The following SNX18 variants were observed in gnomAD, a reference collection of about 807,000 sequenced individuals.
SNX18 encodes the protein sorting nexin 18.
In SNX18, 35 loss-of-function variants were observed where a neutral mutation model predicts 48.7. The observed-to-expected ratio is 0.72, with a 90% CI of 0.55 to 0.95. The LOEUF (loss-of-function observed/expected upper bound fraction) is 0.95, where lower values mean the gene tolerates loss of function less well. Among genes scored for constraint, SNX18 ranks in the 40% least tolerant of loss-of-function variants. SNX18 has a pLI of 0.00. For synonymous variants in SNX18, 492 were observed against 384.7 expected, an observed-to-expected ratio of 1.28 and a Z score of -3.26; for missense variants, 824 against 871.0, an observed-to-expected ratio of 0.95 and a Z score of 0.68.
the SNX18 span, among the ~76,000 whole-genome samples, chr5:54,605,955 C>T: frequency 6.6e-6 from 1 of 152,288 alleles, no homozygotes. Flanking sequence ...TGAGCTACCA[C>T]GCCCATCCTA....
At chr5:54,519,718 C>T in intron 1 of SNX18, 145 bp downstream of exon 1, 2 of 1,614,186 alleles carry the variant, frequency 1.2e-6, no homozygotes, top group Non-Finnish European at 1.7e-6. Flanking sequence ...TGGGTCTTTT[C>T]CCTAGAGTGT....
At chr5:54,588,306 C>CTTTTTTTTTTTTTTTTTTTTTTTTTTTT in the SNX18 span, among the ~76,000 whole-genome samples, 1 of 73,910 alleles carries the variant, frequency 1.4e-5, no homozygotes, top group African/African-American at 5.4e-5. Context: ...TATTTCTATT[C>CTTTTTTTTTTTTTTTTTTTTTTTTTTTT]TTTTTTTTTT....
At chr5:54,612,412 C>T in the SNX18 span, among the ~76,000 whole-genome samples, 7 of 152,020 alleles carry the variant, frequency 4.6e-5, no homozygotes, top group Non-Finnish European at 1.0e-4. Context: ...GTGCGTGCCA[C>T]CACACCCGGC....
chr5:54,642,184 G>A, the SNX18 span, among the ~76,000 whole-genome samples: 8 of 152,128 alleles, frequency 5.3e-5, no homozygotes, highest in Admixed American at 6.5e-5. Context: ...TTTGTCCTTG[G>A]TCGGGTCACA....
intron 1 of SNX18, among the ~76,000 whole-genome samples, chr5:54,523,856 T>C (rs2548608): frequency 0.3 from 45,027 of 152,088 alleles, 6,881 homozygotes; most frequent in East Asian, 0.43. Context: ...AAGGTAAGGC[T>C]GGGCCACACG....
chr5:54,541,027 T>C (rs531357005), intron 1 of SNX18, among the ~76,000 whole-genome samples: 9 of 152,244 alleles, frequency 5.9e-5, no homozygotes, highest in South Asian at 4.1e-4. Context: ...TTTCTTTTTT[T>C]TCTCTCTCTC....
At chr5:54,537,915 G>A (rs1580106565) in intron 1 of SNX18, among the ~76,000 whole-genome samples, 1 of 152,268 alleles carries the variant, frequency 6.6e-6, no homozygotes, top group African/African-American at 2.4e-5. Context: ...CTCTGCAGCT[G>A]GTTGTATTGT....
At chr5:54,527,544 G>A (rs1444548697) in intron 1 of SNX18, among the ~76,000 whole-genome samples, 2 of 152,178 alleles carry the variant, frequency 1.3e-5, no homozygotes, top group Non-Finnish European at 2.9e-5. Context: ...CAGCAATCAG[G>A]AATTGAGTTT....
chr5:54,571,214 A>T, the SNX18 span, among the ~76,000 whole-genome samples: 1 of 152,018 alleles, frequency 6.6e-6, no homozygotes, highest in East Asian at 1.9e-4. Flanking sequence ...ACATGGGCAC[A>T]TGGGGAAAGG....
In SNX18 at chr5:54,526,502, CTG is replaced by C. The variant is rs137887954; in HGVS notation, c.1621+6932_1621+6933del. ...ACCTTTTCTTATGACTTATCTGTCA[CTG>C]TGATTTGACTTTCCTCTTCTGCTAA... On this transcript the variant is annotated intron_variant, in intron 1 of 1. Coordinates refer to ENST00000381410, the MANE Select transcript of SNX18 (RefSeq NM_001102575.2). 4.3e-3 allele frequency among the ~76,000 whole-genome samples: 652 copies of C among 152,276 alleles called. 6 individuals are homozygous for C. Among genetic ancestry groups the C allele is most frequent in the African/African-American group, 0.015 (621 of 41,548 alleles).
At chr5:54,553,881 TG>T in the SNX18 span, among the ~76,000 whole-genome samples, 10 of 152,364 alleles carry the variant, frequency 6.6e-5, no homozygotes, top group African/African-American at 2.4e-4. Context: ...CCATGCACTC[TG>T]GGGACCTTAT....
the SNX18 span, among the ~76,000 whole-genome samples, chr5:54,608,058 T>C: frequency 2.6e-5 from 4 of 152,236 alleles, no homozygotes; most frequent in African/African-American, 9.6e-5. Flanking sequence ...CTAGGTCATA[T>C]GGTACTTACA....
intron 1 of SNX18, among the ~76,000 whole-genome samples, chr5:54,525,561 T>C (rs565047625): frequency 1.3e-5 from 2 of 152,270 alleles, no homozygotes; most frequent in South Asian, 2.1e-4. Flanking sequence ...CCGGAAGTAA[T>C]GGCAACTGGG....
chr5:54,585,936 C>T, the SNX18 span, among the ~76,000 whole-genome samples: 32 of 149,854 alleles, frequency 2.1e-4, no homozygotes, highest in South Asian at 2.1e-3. Flanking sequence ...ACCTGGGAGG[C>T]GGAGCTTGCA....
rs1171547544 is a variant in SNX18, at chr5:54,518,484, G to T, written c.532G>T (p.Asp178Tyr). The change falls in exon 1 of 2, where the codon GAC (aspartate) becomes TAC (tyrosine). Residue 178 changes from aspartate to tyrosine, a missense_variant. Physicochemically the swap from Asp to Tyr is radical, Grantham distance 160 (BLOSUM62 -3). Around this residue, in one of 3 missense-constraint regions of SNX18, gnomAD observed 377 missense variants for 350.6 expected, o/e 1.08. Transcript: ENST00000381410. Reference sequence around the variant, plus strand: ...CGCTCTGGGCAGCGGAGCATACCCGGACCTCGACGGCTCGTCTTCGGCGGG... The same window carrying T: ...CGCTCTGGGCAGCGGAGCATACCCGTACCTCGACGGCTCGTCTTCGGCGGG... ...PGALGSGAYP[D>Y]LDGSSSAGVG... is the part of the protein sequence containing the mutation. 2 of 1,570,450 alleles carry T rather than the reference G, an allele frequency of 1.3e-6. No individual in the cohort carries two copies. Among genetic ancestry groups the T allele is most frequent in the Non-Finnish European group, 1.7e-6 (2 of 1,158,278 alleles).
the SNX18 span, among the ~76,000 whole-genome samples, chr5:54,584,046 CTT>C: frequency 0.023 from 2,533 of 110,574 alleles, 56 homozygotes; most frequent in African/African-American, 0.078. Context: ...GTGTGTAGCT[CTT>C]TTTTTTTTTT....
chr5:54,533,598 G>A (rs1357465419), intron 1 of SNX18, among the ~76,000 whole-genome samples: 1 of 152,224 alleles, frequency 6.6e-6, no homozygotes, highest in African/African-American at 2.4e-5. Context: ...GCTGGACACT[G>A]AGTAAAATTA....
At chr5:54,529,605 A>G (rs906071522) in intron 1 of SNX18, among the ~76,000 whole-genome samples, 11 of 152,002 alleles carry the variant, frequency 7.2e-5, no homozygotes, top group Admixed American at 3.3e-4. Context: ...GATAGGCAGT[A>G]TTCCAAGCAT....
chr5:54,581,277 G>A, the SNX18 span, among the ~76,000 whole-genome samples: 1 of 152,190 alleles, frequency 6.6e-6, no homozygotes, highest in Non-Finnish European at 1.5e-5. Flanking sequence ...GAAGATTCAT[G>A]TGGTTCCACT....
Sources: allele counts gnomAD v4.1 joint callset (sites outside exome capture counted in the v4.1 genomes callset), GRCh38; gene constraint gnomAD v4.1.1; regional missense constraint gnomAD v4.1.1; transcripts MANE v1.5; gene names NCBI Gene and HGNC (gene_info 2026-07-23, HGNC 2026-07-21).